The following TERB2 variants were observed in gnomAD, a reference collection of about 807,000 sequenced individuals.
The protein encoded by TERB2 is telomere repeats-binding bouquet formation protein 2.
In TERB2, 26 loss-of-function variants were observed where a neutral mutation model predicts 29.8. The observed-to-expected ratio is 0.87, with a 90% confidence interval of 0.64 to 1.21. The LOEUF is 1.21. Ranked by LOEUF, TERB2 falls within the 50% of genes most tolerant of loss-of-function variation. TERB2 has a pLI of 0.00. For missense variants in TERB2, 240 were observed against 268.6 expected, an observed-to-expected ratio of 0.89 and a Z score of 0.74; for synonymous variants, 80 against 90.8, an observed-to-expected ratio of 0.88 and a Z score of 0.68.
At chr15:44,977,443 A>G (rs1892062306) in intron 6 of TERB2, among the ~76,000 whole-genome samples, 1 of 152,230 alleles carries the variant, frequency 6.6e-6, no homozygotes, top group Admixed American at 6.5e-5. Context: ...GGTTTCACAC[A>G]GTGTATATGT....
chr15:44,972,232 C>G (rs2141244351), intron 5 of TERB2, among the ~76,000 whole-genome samples: 1 of 151,936 alleles, frequency 6.6e-6, no homozygotes, highest in East Asian at 1.9e-4. Flanking sequence ...CTCAGGTGAT[C>G]CACCCGCCTC....
intron 5 of TERB2, among the ~76,000 whole-genome samples, chr15:44,972,115 G>T (rs1198667853): frequency 6.7e-6 from 1 of 148,828 alleles, no homozygotes; most frequent in Non-Finnish European, 1.5e-5. Flanking sequence ...TCAGCCTCCT[G>T]AGTAGCTGGG....
intron 2 of TERB2, among the ~76,000 whole-genome samples, chr15:44,957,892 C>G (rs1276643932): frequency 2.6e-5 from 4 of 151,228 alleles, no homozygotes; most frequent in Admixed American, 2.0e-4. Context: ...TCATGACTTC[C>G]GTAGCCCAGT....
chr15:44,959,361 T>C (rs1402709387), intron 3 of TERB2, among the ~76,000 whole-genome samples: 4 of 152,124 alleles, frequency 2.6e-5, no homozygotes, highest in African/African-American at 9.7e-5. Context: ...CTATTTTTTC[T>C]GGGCTAACTT....
intron 6 of TERB2, among the ~76,000 whole-genome samples, chr15:44,977,883 G>A (rs980561845): frequency 6.6e-6 from 1 of 152,058 alleles, no homozygotes; most frequent in Non-Finnish European, 1.5e-5. Flanking sequence ...AGTTAATATT[G>A]CTTAGTCATA....
intron 5 of TERB2, 70 bp downstream of exon 5, chr15:44,966,313 A>T: frequency 1.1e-6 from 1 of 889,538 alleles, no homozygotes; most frequent in South Asian, 3.5e-5. Flanking sequence ...TTGTGTGCTT[A>T]TCTCATTTAA....
At chr15:44,959,917 A>T (rs1034006077) in intron 3 of TERB2, among the ~76,000 whole-genome samples, 9 of 152,136 alleles carry the variant, frequency 5.9e-5, no homozygotes, top group African/African-American at 2.2e-4. Context: ...GCCATTAGAA[A>T]CCCCAGAGAT....
intron 6 of TERB2, among the ~76,000 whole-genome samples, chr15:44,978,050 C>G (rs1303764289): frequency 3.9e-5 from 6 of 152,074 alleles, no homozygotes; most frequent in Non-Finnish European, 5.9e-5. Flanking sequence ...TAAAAGAATC[C>G]TATTCCAGTG....
At chr15:44,963,870 C>T (rs1007323568) in intron 4 of TERB2, among the ~76,000 whole-genome samples, 17 of 127,130 alleles carry the variant, frequency 1.3e-4, no homozygotes, top group African/African-American at 4.7e-4. Context: ...AGTGAAGTGG[C>T]GGGATCTCAA....
At chr15:44,968,991 A>G (rs1261448836) in intron 5 of TERB2, among the ~76,000 whole-genome samples, 1 of 152,086 alleles carries the variant, frequency 6.6e-6, no homozygotes, top group Non-Finnish European at 1.5e-5. Flanking sequence ...GTGAGGTAGC[A>G]TGATCATAGC....
intron 6 of TERB2, among the ~76,000 whole-genome samples, chr15:44,975,628 G>A (rs1388432280): frequency 2.0e-5 from 3 of 152,002 alleles, no homozygotes; most frequent in Non-Finnish European, 2.9e-5. Context: ...TTGTTTGGGC[G>A]AGGGTAGATG....
chr15:44,962,511 G>C (rs957196207), intron 4 of TERB2, among the ~76,000 whole-genome samples: 10 of 152,148 alleles, frequency 6.6e-5, no homozygotes, highest in Non-Finnish European at 1.2e-4. Flanking sequence ...TTTACTGCCA[G>C]TGTAGACTCT....
chr15:44,971,981 CTTTTTTTTT>C (rs71111900), intron 5 of TERB2, among the ~76,000 whole-genome samples: 18 of 66,336 alleles, frequency 2.7e-4, no homozygotes, highest in African/African-American at 1.0e-3. Flanking sequence ...GAAATAGAAG[CTTTTTTTTT>C]TTTTTTTTTT....
At chr15:44,977,664 TTA>T (rs1238429385) in intron 6 of TERB2, among the ~76,000 whole-genome samples, 2 of 152,200 alleles carry the variant, frequency 1.3e-5, no homozygotes, top group African/African-American at 4.8e-5. Context: ...TCTGAATTTA[TTA>T]TTTTTATTAA....
At chr15:44,976,810 C>T (rs1033198946) in intron 6 of TERB2, among the ~76,000 whole-genome samples, 1 of 152,134 alleles carries the variant, frequency 6.6e-6, no homozygotes, top group African/African-American at 2.4e-5. Flanking sequence ...TCAACATTTG[C>T]TTTGAGAGTG....
At chr15:44,971,578 AC>A (rs1891968360) in intron 5 of TERB2, among the ~76,000 whole-genome samples, 1 of 151,982 alleles carries the variant, frequency 6.6e-6, no homozygotes, top group African/African-American at 2.4e-5. Flanking sequence ...ACACAGTTAA[AC>A]CCCGTGTCTA....
chr15:44,967,136 A>T (rs1891903476), intron 5 of TERB2, among the ~76,000 whole-genome samples: 1 of 152,172 alleles, frequency 6.6e-6, no homozygotes, highest in Non-Finnish European at 1.5e-5. Context: ...AGACAAACAA[A>T]CATGGCCTTG....
intron 5 of TERB2, among the ~76,000 whole-genome samples, chr15:44,967,274 G>T (rs1402557510): frequency 9.2e-5 from 14 of 152,214 alleles, no homozygotes; most frequent in Admixed American, 5.2e-4. Flanking sequence ...TTCTTCAGAA[G>T]TCTGTTTTAT....
chr15:44,973,728 A>G (rs1245105111), intron 5 of TERB2, 139 bp from the exon 6 acceptor site: 6 of 565,530 alleles, frequency 1.1e-5, no homozygotes, highest in Non-Finnish European at 1.4e-5. Flanking sequence ...AAATATATAC[A>G]TATGTGGTAT....
Sources: allele counts gnomAD v4.1 joint callset (sites outside exome capture counted in the v4.1 genomes callset), GRCh38; gene constraint gnomAD v4.1.1; transcripts MANE v1.5; gene names NCBI Gene and HGNC (gene_info 2026-07-23, HGNC 2026-07-21).